PGCKA1: variants seen among roughly 807,000 people sequenced by gnomAD.
PGCKA1 encodes the protein PDCD10 and GCKIII kinases-associated protein 1.
chr4:37,460,875 A>G, the PGCKA1 span: 7 of 398,392 alleles, frequency 1.8e-5, no homozygotes, highest in South Asian at 1.3e-4. Context: ...TTTTGTTGCA[A>G]TTATTTTTGA....
At chr4:37,493,813 T>C in the PGCKA1 span, among the ~76,000 whole-genome samples, 1 of 152,198 alleles carries the variant, frequency 6.6e-6, no homozygotes, top group Non-Finnish European at 1.5e-5. Context: ...CACAAATAGG[T>C]GACGACATGT....
At chr4:37,586,890 A>C in the PGCKA1 span, among the ~76,000 whole-genome samples, 1 of 152,222 alleles carries the variant, frequency 6.6e-6, no homozygotes, top group African/African-American at 2.4e-5. Context: ...AGCCTGGGCA[A>C]CAGAGTGAGG....
chr4:37,490,867 A>G, the PGCKA1 span, among the ~76,000 whole-genome samples: 984 of 152,356 alleles, frequency 6.5e-3, 12 homozygotes, highest in African/African-American at 0.022. Flanking sequence ...AAGAAATACA[A>G]TAAACAAATG....
chr4:37,481,021 T>C, the PGCKA1 span, among the ~76,000 whole-genome samples: 1 of 152,216 alleles, frequency 6.6e-6, no homozygotes, highest in African/African-American at 2.4e-5. Flanking sequence ...TGAGGAGTCC[T>C]ACAGCAAAGT....
At chr4:37,517,076 C>G in the PGCKA1 span, among the ~76,000 whole-genome samples, 38 of 151,928 alleles carry the variant, frequency 2.5e-4, no homozygotes, top group African/African-American at 9.2e-4. Flanking sequence ...ATGAAGAAAC[C>G]CTGTCTCTAC....
chr4:37,573,344 C>A, the PGCKA1 span, among the ~76,000 whole-genome samples: 1 of 152,096 alleles, frequency 6.6e-6, no homozygotes, highest in African/African-American at 2.4e-5. Flanking sequence ...AAGCATTATC[C>A]CCATTTTACA....
chr4:37,537,888 C>G, the PGCKA1 span, among the ~76,000 whole-genome samples: 3 of 152,160 alleles, frequency 2.0e-5, no homozygotes, highest in Non-Finnish European at 1.5e-5. Context: ...AGCTAGGACA[C>G]TGGAATGCTT....
chr4:37,488,900 GT>G, the PGCKA1 span, among the ~76,000 whole-genome samples: 1 of 151,912 alleles, frequency 6.6e-6, no homozygotes, highest in Non-Finnish European at 1.5e-5. Context: ...AAATGCATGG[GT>G]CCACTTATAA....
chr4:37,521,997 A>G, the PGCKA1 span, among the ~76,000 whole-genome samples: 5 of 152,204 alleles, frequency 3.3e-5, no homozygotes, highest in African/African-American at 9.7e-5. Context: ...TTGTATGAGT[A>G]TAGTGACTCC....
chr4:37,514,183 A>C, the PGCKA1 span, among the ~76,000 whole-genome samples: 1 of 152,210 alleles, frequency 6.6e-6, no homozygotes, highest in Non-Finnish European at 1.5e-5. Context: ...TGCCAATGTT[A>C]TCTCTCAGAG....
the PGCKA1 span, among the ~76,000 whole-genome samples, chr4:37,493,012 ATG>A: frequency 2.0e-5 from 3 of 152,102 alleles, no homozygotes; most frequent in East Asian, 1.9e-4. Context: ...AGTTATTGAT[ATG>A]TGTGTGTGTA....
At chr4:37,490,016 T>TA in the PGCKA1 span, among the ~76,000 whole-genome samples, 40 of 150,464 alleles carry the variant, frequency 2.7e-4, 1 homozygote, top group East Asian at 5.0e-3. Flanking sequence ...TTACATAACT[T>TA]AAAAAAAAAG....
chr4:37,458,320 C>T, the PGCKA1 span, among the ~76,000 whole-genome samples: 1 of 152,182 alleles, frequency 6.6e-6, no homozygotes, highest in Non-Finnish European at 1.5e-5. Flanking sequence ...TTGTCCAAAA[C>T]ATAGCCACTG....
At chr4:37,491,686 T>C in the PGCKA1 span, among the ~76,000 whole-genome samples, 2 of 152,178 alleles carry the variant, frequency 1.3e-5, no homozygotes, top group African/African-American at 2.4e-5. Flanking sequence ...GGGCACTCAG[T>C]GGTCCTTTGA....
the PGCKA1 span, among the ~76,000 whole-genome samples, chr4:37,502,831 C>T: frequency 1.9e-3 from 292 of 152,014 alleles, 1 homozygote; most frequent in Middle Eastern, 3.2e-3. Flanking sequence ...AGCTATGATG[C>T]GGCACCCTAG....
chr4:37,590,825 A>G, the PGCKA1 span: 2 of 1,614,214 alleles, frequency 1.2e-6, no homozygotes, highest in South Asian at 2.2e-5. Flanking sequence ...TGCTTTAATG[A>G]GAAGGGTCCT....
At chr4:37,527,034 T>A in the PGCKA1 span, among the ~76,000 whole-genome samples, 76,067 of 151,766 alleles carry the variant, frequency 0.5, 19,913 homozygotes, top group African/African-American at 0.64. Flanking sequence ...ATCCTGGCCG[T>A]GCGTAGGCCT....
At chr4:37,532,097 G>A in the PGCKA1 span, among the ~76,000 whole-genome samples, 4 of 151,894 alleles carry the variant, frequency 2.6e-5, no homozygotes, top group African/African-American at 9.7e-5. Context: ...ATTAGCTATG[G>A]CAGGAGCATT....
At chr4:37,530,259 T>A in the PGCKA1 span, among the ~76,000 whole-genome samples, 1 of 152,176 alleles carries the variant, frequency 6.6e-6, no homozygotes, top group Non-Finnish European at 1.5e-5. Context: ...TTGTTGTTGT[T>A]TTTCCAAGAA....
Sources: gnomAD v4.1 joint callset for allele counts (sites outside exome capture counted in the v4.1 genomes callset) on GRCh38, gnomAD v4.1.1 for gene constraint, MANE v1.5 for transcripts, NCBI Gene and HGNC (gene_info 2026-07-23, HGNC 2026-07-21) for gene names.